TMEM135: variants seen among roughly 807,000 people sequenced by gnomAD.
TMEM135 encodes peroxisomal membrane protein 52.
Under a neutral mutation model 60.3 loss-of-function variants are expected in TMEM135, and 30 were observed. That is an observed-to-expected ratio of 0.50 (90% CI 0.37 to 0.68). The LOEUF (loss-of-function observed/expected upper bound fraction) is 0.68, where lower values mean the gene tolerates loss of function less well. TMEM135 is among the 30% of genes least tolerant of loss of function. The probability of loss-of-function intolerance (pLI) is 0.00; values close to 1 mark genes in which losing one functional copy is unlikely to be tolerated. For synonymous variants in TMEM135, 190 were observed against 186.7 expected (o/e 1.02, Z -0.14); for missense variants, 468 against 548.8 (o/e 0.85, Z 1.47).
intron 4 of TMEM135, among the ~76,000 whole-genome samples, chr11:87,148,708 A>C (rs1298022201): frequency 6.6e-6 from 1 of 152,220 alleles, no homozygotes; most frequent in African/African-American, 2.4e-5. Context: ...GGAAGATTGA[A>C]GATGTAGTTT....
chr11:87,076,439 C>G (rs536417559), intron 3 of TMEM135, among the ~76,000 whole-genome samples: 226 of 152,258 alleles, frequency 1.5e-3, no homozygotes, highest in Non-Finnish European at 2.7e-3. Context: ...GGCAGTAGGC[C>G]CCCCCTCTGG....
intron 5 of TMEM135, among the ~76,000 whole-genome samples, chr11:87,195,170 T>C (rs933764975): frequency 1.3e-5 from 2 of 152,172 alleles, no homozygotes; most frequent in African/African-American, 2.4e-5. Context: ...AATCCAACCA[T>C]CCAAATTTAG....
intron 11 of TMEM135, among the ~76,000 whole-genome samples, chr11:87,313,886 C>T (rs997138505): frequency 6.6e-6 from 1 of 151,672 alleles, no homozygotes; most frequent in Admixed American, 6.6e-5. Flanking sequence ...GGAACTTAAT[C>T]ATTTTATTAA....
Position 87,327,090 on chromosome 11 carries a change from G to C in TMEM135, c.*5757G>C. On this transcript the variant is annotated 3_prime_UTR_variant, in exon 15 of 15. Transcript: ENST00000305494. ...CAGGGATGAATCATAATTGTTCTAG[G>C]CCTTTCATGTCTTTCCTTTCTTCTT... 2.2e-6 allele frequency: 1 copy of C among 453,930 alleles called. No homozygotes were observed. The highest frequency in any genetic ancestry group is 1.6e-5 in the South Asian group (1 of 64,464). The allele number at this position is 453,930 out of a possible 1,614,324, so 28.1% of individuals were successfully genotyped here. A position where few individuals can be genotyped will look rare whatever the true frequency, so the allele number is the denominator to read the frequency against.
At chr11:87,180,816 A>G (rs867476547) in intron 5 of TMEM135, among the ~76,000 whole-genome samples, 1 of 152,192 alleles carries the variant, frequency 6.6e-6, no homozygotes, top group African/African-American at 2.4e-5. Context: ...AACAAAAACA[A>G]ATCCATTCTC....
At chr11:87,226,650 C>T (rs1474511221) in intron 5 of TMEM135, among the ~76,000 whole-genome samples, 1 of 152,174 alleles carries the variant, frequency 6.6e-6, no homozygotes, top group Non-Finnish European at 1.5e-5. Flanking sequence ...AGCATATAGG[C>T]TGTACTTCAC....
intron 6 of TMEM135, among the ~76,000 whole-genome samples, chr11:87,254,928 C>A (rs685659): frequency 2.6e-5 from 4 of 151,878 alleles, no homozygotes; most frequent in Non-Finnish European, 4.4e-5. Flanking sequence ...TTGTTTGAGC[C>A]CAGGGGTTCG....
chr11:87,107,043 A>G (rs1275471530), intron 4 of TMEM135, among the ~76,000 whole-genome samples: 1 of 152,212 alleles, frequency 6.6e-6, no homozygotes, highest in Non-Finnish European at 1.5e-5. Context: ...CCAAGCCATG[A>G]GGGATCCAAC....
chr11:87,054,200 C>G (rs1237904671), intron 1 of TMEM135, among the ~76,000 whole-genome samples: 1 of 151,956 alleles, frequency 6.6e-6, no homozygotes, highest in Non-Finnish European at 1.5e-5. Context: ...TTTGGGAGGC[C>G]AAGGTGGGCA....
intron 5 of TMEM135, among the ~76,000 whole-genome samples, chr11:87,229,824 A>G (rs901402734): frequency 1.6e-4 from 24 of 152,154 alleles, no homozygotes; most frequent in African/African-American, 5.3e-4. Flanking sequence ...ACATTCTATA[A>G]AAGTCCAAAA....
chr11:87,115,564 A>AGT (rs1400679526), intron 4 of TMEM135, among the ~76,000 whole-genome samples: 1 of 152,098 alleles, frequency 6.6e-6, no homozygotes, highest in Non-Finnish European at 1.5e-5. Context: ...AGGTATATAA[A>AGT]TTGTGCAATT....
chr11:87,163,010 A>C (rs893172299), intron 5 of TMEM135, among the ~76,000 whole-genome samples: 3 of 144,892 alleles, frequency 2.1e-5, no homozygotes, highest in African/African-American at 7.7e-5. Context: ...GGCCTTATAA[A>C]TGTCTTCTTT....
intron 5 of TMEM135, among the ~76,000 whole-genome samples, chr11:87,211,955 T>A (rs1248681929): frequency 1.3e-5 from 2 of 151,222 alleles, no homozygotes; most frequent in South Asian, 2.1e-4. Flanking sequence ...AAAAAAAAAA[T>A]AAGAAAAAAG....
chr11:87,286,907 TTC>T (rs2135425776), intron 6 of TMEM135, among the ~76,000 whole-genome samples: 2 of 152,332 alleles, frequency 1.3e-5, no homozygotes, highest in South Asian at 4.1e-4. Flanking sequence ...TTTCAGCATT[TTC>T]TGTTTTAATT....
chr11:87,160,355 T>A (rs1039921766), intron 5 of TMEM135, among the ~76,000 whole-genome samples: 1 of 152,124 alleles, frequency 6.6e-6, no homozygotes, highest in Non-Finnish European at 1.5e-5. Context: ...TTATAGGAGG[T>A]CTTAAGCAGA....
chr11:87,093,914 C>CGG (rs1362276689), intron 4 of TMEM135, among the ~76,000 whole-genome samples: 6 of 152,064 alleles, frequency 3.9e-5, no homozygotes, highest in Admixed American at 3.9e-4. Context: ...AGATGATAAA[C>CGG]ACCAGACTTA....
chr11:87,190,591 A>C (rs1939776839), intron 5 of TMEM135, among the ~76,000 whole-genome samples: 1 of 152,188 alleles, frequency 6.6e-6, no homozygotes, highest in Non-Finnish European at 1.5e-5. Flanking sequence ...TTAAAGTGCT[A>C]GGTAAACTAT....
intron 5 of TMEM135, among the ~76,000 whole-genome samples, chr11:87,228,633 C>A (rs1044866013): frequency 6.6e-6 from 1 of 152,052 alleles, no homozygotes; most frequent in East Asian, 1.9e-4. Context: ...TTTGGAGATA[C>A]TCAAGAAGGA....
rs1240907403 is a variant in TMEM135 at position 87,327,376 on chromosome 11, G to T, written c.*6043G>T. 13 of 453,756 alleles carry T rather than the reference G, an allele frequency of 2.9e-5. No homozygotes were observed. Among genetic ancestry groups the T allele is most frequent in the Non-Finnish European group, 4.9e-5 (11 of 226,750 alleles). 28.1% of individuals were successfully genotyped at this position (453,756 alleles called of 1,614,324 possible). A position where few individuals can be genotyped will look rare whatever the true frequency, so the allele number is the denominator to read the frequency against. On this transcript the variant is annotated 3_prime_UTR_variant, in exon 15 of 15. Coordinates refer to ENST00000305494, the MANE Select transcript of TMEM135 (RefSeq NM_022918.4). ...CCAGCATATTAAAGATGCCAGGTCA[G>T]AAAAATAGAAAGAACCTGCTTCTGT...
Sources: allele counts gnomAD v4.1 joint callset (sites outside exome capture counted in the v4.1 genomes callset), GRCh38; gene constraint gnomAD v4.1.1; transcripts MANE v1.5; gene names NCBI Gene and HGNC (gene_info 2026-07-23, HGNC 2026-07-21).